KANSL1L: variants seen among roughly 807,000 people sequenced by gnomAD.
KANSL1L encodes the protein KAT8 regulatory NSL complex subunit 1-like protein.
KANSL1L carries 25 observed loss-of-function variants against 108.6 expected under a neutral mutation model. The observed-to-expected ratio is 0.23, with a 90% CI of 0.17 to 0.32. The LOEUF (loss-of-function observed/expected upper bound fraction) is 0.32. KANSL1L is among the 10% of genes least tolerant of loss of function. The probability of loss-of-function intolerance (pLI) is 1.00; values close to 1 mark genes in which losing one functional copy is unlikely to be tolerated. For synonymous variants in KANSL1L, 405 were observed against 395.1 expected (o/e 1.03, Z -0.30); for missense variants, 1,137 against 1,125.7 (o/e 1.01, Z -0.14).
intron 1 of KANSL1L, among the ~76,000 whole-genome samples, chr2:210,157,365 G>C (rs1236796741): frequency 6.6e-6 from 1 of 152,140 alleles, no homozygotes; most frequent in African/African-American, 2.4e-5. Context: ...ATTCATCTTA[G>C]TCTCTGGATA....
At chr2:210,129,279 T>A (rs2095097953) in intron 2 of KANSL1L, 107 bp from the exon 3 acceptor site, 6 of 858,048 alleles carry the variant, frequency 7.0e-6, no homozygotes, top group Non-Finnish European at 1.0e-5. Flanking sequence ...ATTTCCTTTC[T>A]ACAACATGTA....
intron 6 of KANSL1L, among the ~76,000 whole-genome samples, chr2:210,047,029 G>A (rs762755199): frequency 6.6e-6 from 1 of 152,100 alleles, no homozygotes; most frequent in South Asian, 2.1e-4. Context: ...TTCTTTGCCC[G>A]AAGGGACTTT....
intron 5 of KANSL1L, among the ~76,000 whole-genome samples, chr2:210,076,747 C>A (rs916028520): frequency 1.3e-5 from 2 of 151,022 alleles, no homozygotes; most frequent in African/African-American, 4.9e-5. Flanking sequence ...GGATGATAAC[C>A]CTCGTTGCCA....
intron 3 of KANSL1L, among the ~76,000 whole-genome samples, chr2:210,128,536 G>C (rs1253278090): frequency 6.6e-6 from 1 of 152,140 alleles, no homozygotes; most frequent in Non-Finnish European, 1.5e-5. Context: ...GCTCATATGA[G>C]GTACTTAAAA....
rs762991257 is a variant in KANSL1L, at chr2:210,104,211, G to C, written c.1321C>G (p.Leu441Val). 5 of 1,613,562 alleles carry C rather than the reference G, an allele frequency of 3.1e-6. No individual in the cohort carries two copies. The highest frequency in any genetic ancestry group is 1.3e-5 in the African/African-American group (1 of 75,028). The change falls in exon 4 of 15, where the codon CTA becomes GTA. Residue 441 changes from leucine (L) to valine (V), a missense_variant. Coordinates refer to ENST00000281772, the MANE Select transcript of KANSL1L (RefSeq NM_152519.4). ...TCCTGGGGAACCTGAGGATTCCCTA[G>C]AATGTTTAGTGAAGCTGCTTGGTCT... Reference protein sequence around the residue: ...FADQAASLNILGNPQVPQECQ... With the variant: ...FADQAASLNIVGNPQVPQECQ...
intron 4 of KANSL1L, among the ~76,000 whole-genome samples, chr2:210,098,489 T>C (rs2094760833): frequency 6.6e-6 from 1 of 152,174 alleles, no homozygotes; most frequent in African/African-American, 2.4e-5. Flanking sequence ...ACAGCCTTTA[T>C]ATAATATTAC....
intron 2 of KANSL1L, among the ~76,000 whole-genome samples, chr2:210,148,430 C>T (rs2095280418): frequency 6.6e-6 from 1 of 152,186 alleles, no homozygotes; most frequent in Non-Finnish European, 1.5e-5. Context: ...CATCCCCTCA[C>T]ATTTAACCAG....
intron 4 of KANSL1L, among the ~76,000 whole-genome samples, chr2:210,101,940 T>C (rs550860505): frequency 3.0e-4 from 45 of 152,186 alleles, no homozygotes; most frequent in Non-Finnish European, 6.0e-4. Context: ...AACAATGTAA[T>C]GATGCAACTA....
chr2:210,095,729 A>C (rs1375762623), intron 5 of KANSL1L, among the ~76,000 whole-genome samples: 1 of 152,172 alleles, frequency 6.6e-6, no homozygotes, highest in East Asian at 1.9e-4. Flanking sequence ...ATTAAACTTA[A>C]AGATAAATTA....
Position 210,171,399 on chromosome 2 carries a change from T to G in KANSL1L, c.-280A>C, listed in dbSNP as rs1688332075. 6.2e-6 allele frequency: 1 copy of G among 162,308 alleles called. No homozygotes were observed. The highest frequency in any genetic ancestry group is 1.3e-5 in the Non-Finnish European group (1 of 75,526). 10.1% of individuals were successfully genotyped at this position (162,308 alleles called of 1,614,324 possible). On this transcript the variant is annotated 5_prime_UTR_variant, in exon 1 of 15. Coordinates refer to ENST00000281772, the MANE Select transcript of KANSL1L (RefSeq NM_152519.4). ...CGTGCGGCTCGGGGGGACGGAACCC[T>G]GCCGCGGTCTGGGAGCAGTGGGCGG...
At chr2:210,063,565 C>G (rs1364954909) in intron 6 of KANSL1L, among the ~76,000 whole-genome samples, 1 of 152,206 alleles carries the variant, frequency 6.6e-6, no homozygotes, top group Non-Finnish European at 1.5e-5. Flanking sequence ...CATGGGAGCC[C>G]ACCTCTTGCA....
At chr2:210,068,171 C>T (rs957455954) in intron 6 of KANSL1L, among the ~76,000 whole-genome samples, 11 of 152,248 alleles carry the variant, frequency 7.2e-5, no homozygotes, top group South Asian at 2.1e-4. Flanking sequence ...CCACCGCGCC[C>T]GGCTGCATAT....
chr2:210,158,749 C>T (rs2095346865), intron 1 of KANSL1L, among the ~76,000 whole-genome samples: 1 of 149,584 alleles, frequency 6.7e-6, no homozygotes, highest in Non-Finnish European at 1.5e-5. Flanking sequence ...ACTTTGCAAC[C>T]AAAAGAAACT....
chr2:210,023,356 T>G (rs985853636), intron 14 of KANSL1L, among the ~76,000 whole-genome samples, 177 bp from the exon 15 acceptor site: 2 of 152,228 alleles, frequency 1.3e-5, no homozygotes, highest in African/African-American at 4.8e-5. Context: ...TGAGAATTGT[T>G]GAGTGACTTT....
chr2:210,171,352 G>C lies in KANSL1L; in HGVS notation c.-233C>G. 1 of 176,924 alleles carries C rather than the reference G, an allele frequency of 5.7e-6. No homozygotes were observed. The highest frequency in any genetic ancestry group is 1.1e-5 in the Non-Finnish European group (1 of 88,062). 11.0% of individuals were successfully genotyped at this position (176,924 alleles called of 1,614,324 possible). ...CCGCCGCCGCCGCCGCGGTTTAACA[G>C]TCCGCCCGCTGCCCGCAGCTCCGTG... On this transcript the variant is annotated 5_prime_UTR_variant, in exon 1 of 15. Transcript: ENST00000281772.
chr2:210,046,024 A>G (rs2125204033), intron 6 of KANSL1L, among the ~76,000 whole-genome samples: 1 of 152,302 alleles, frequency 6.6e-6, no homozygotes, highest in East Asian at 1.9e-4. Context: ...GTGCTGGCAG[A>G]TTTAGTGTCT....
At chr2:210,040,230 A>G in intron 8 of KANSL1L, 190 bp downstream of exon 8, 1 of 472,286 alleles carries the variant, frequency 2.1e-6, no homozygotes. Context: ...ACAATTCAAT[A>G]GGTATCGCAC....
At chr2:210,099,636 C>A in intron 4 of KANSL1L, among the ~76,000 whole-genome samples, 1 of 152,290 alleles carries the variant, frequency 6.6e-6, no homozygotes, top group African/African-American at 2.4e-5. Context: ...AAGTATCTCA[C>A]ATCTTCCGGT....
rs187524649 is a variant in KANSL1L, at chr2:210,145,900, T to C, written c.1088+7595A>G. 5.9e-3 allele frequency among the ~76,000 whole-genome samples: 900 copies of C among 151,974 alleles called. 6 individuals carry two copies. The highest frequency in any genetic ancestry group is 0.011 in the Non-Finnish European group (721 of 67,958). On this transcript the variant is annotated intron_variant, in intron 2 of 14. Transcript: ENST00000281772. Reference sequence around the variant, plus strand: ...GGAGCCAAGGCCTGGTGTGTGGACATGTATGGGGCAGTGGAAGCTCTGGAG... The same window carrying C: ...GGAGCCAAGGCCTGGTGTGTGGACACGTATGGGGCAGTGGAAGCTCTGGAG...
Sources: allele counts gnomAD v4.1 joint callset (sites outside exome capture counted in the v4.1 genomes callset), GRCh38; gene constraint gnomAD v4.1.1; transcripts MANE v1.5; gene names NCBI Gene and HGNC (gene_info 2026-07-23, HGNC 2026-07-21).